The following FSTL1 variants were observed in gnomAD, a reference collection of about 807,000 sequenced individuals.
FSTL1 encodes the protein follistatin like 1.
Under a neutral mutation model 45.9 loss-of-function variants are expected in FSTL1, and 24 were observed. The ratio of observed to expected loss-of-function variants is 0.52; its 90% CI spans 0.38 to 0.74. The LOEUF is 0.74. Ranked by LOEUF, FSTL1 falls within the 30% of genes least tolerant of loss-of-function variation. FSTL1 has a pLI of 0.00. For synonymous variants in FSTL1, 120 were observed against 137.6 expected, an observed-to-expected ratio of 0.87 and a Z score of 0.89; for missense variants, 340 against 381.8, an observed-to-expected ratio of 0.89 and a Z score of 0.91.
chr3:120,431,904 C>T (rs1396596248), intron 2 of FSTL1, among the ~76,000 whole-genome samples: 1 of 152,166 alleles, frequency 6.6e-6, no homozygotes, highest in Admixed American at 6.5e-5. Flanking sequence ...AGGCAGGCGT[C>T]ATGGGCACTT....
Position 120,392,781 on chromosome 3 carries a change from G to C in FSTL1, c.*4171C>G, listed in dbSNP as rs922715989. 1 of 152,168 alleles carries C rather than the reference G, an allele frequency of 6.6e-6. No homozygotes were observed. The highest frequency in any genetic ancestry group is 2.4e-5 in the African/African-American group (1 of 41,418). The allele number at this position is 152,168 out of a possible 1,614,324, so 9.4% of individuals were successfully genotyped here. ...CTAGGATTATTCCAGGGCTCTGAAG[G>C]CATCTGCTTAGATCTATCTATGCAT... On this transcript the variant is annotated 3_prime_UTR_variant, in exon 11 of 11. Coordinates refer to ENST00000295633, the MANE Select transcript of FSTL1 (RefSeq NM_007085.5).
chr3:120,447,257 G>A (rs1277576090), intron 2 of FSTL1, among the ~76,000 whole-genome samples: 1 of 152,214 alleles, frequency 6.6e-6, no homozygotes, highest in Admixed American at 6.5e-5. Context: ...CCCAATGGGA[G>A]GGGGATGGGA....
intron 2 of FSTL1, among the ~76,000 whole-genome samples, chr3:120,447,736 C>A (rs1171862036): frequency 1.3e-5 from 2 of 152,216 alleles, no homozygotes; most frequent in Admixed American, 6.5e-5. Context: ...GCAGCCTCAA[C>A]CTCCTGGGTT....
At chr3:120,432,680 T>C (rs990219530) in intron 2 of FSTL1, among the ~76,000 whole-genome samples, 1 of 152,258 alleles carries the variant, frequency 6.6e-6, no homozygotes, top group Non-Finnish European at 1.5e-5. Context: ...TCCTTCATTT[T>C]AACTGTGTAA....
In FSTL1 at chr3:120,394,128, G is replaced by C. The variant is rs1490907754; in HGVS notation, c.*2824C>G. The C allele has an allele frequency of 6.6e-6, 1 of 152,182 alleles. No individual in the cohort carries two copies. The highest frequency in any genetic ancestry group is 1.5e-5 in the Non-Finnish European group (1 of 68,042). The allele number at this position is 152,182 out of a possible 1,614,324, so 9.4% of individuals were successfully genotyped here. A position where few individuals can be genotyped will look rare whatever the true frequency, so the allele number is the denominator to read the frequency against. ...AGAAACTTGTTCTACCAGTCCCCGA[G>C]TAAACTTTCCATCCAAGCTGTAGTC... is the stretch of plus-strand genomic sequence containing the variant. On this transcript the variant is annotated 3_prime_UTR_variant, in exon 11 of 11. Transcript: ENST00000295633.
At chr3:120,399,833 G>A (rs553209646) in intron 10 of FSTL1, 50 bp downstream of exon 10, 5 of 1,240,282 alleles carry the variant, frequency 4.0e-6, no homozygotes, top group East Asian at 2.4e-5. Flanking sequence ...AATGGTATAG[G>A]GCCTGATGGC....
chr3:120,431,398 C>T (rs1937475785), intron 2 of FSTL1, among the ~76,000 whole-genome samples: 1 of 152,092 alleles, frequency 6.6e-6, no homozygotes, highest in African/African-American at 2.4e-5. Context: ...ATATTTTAGA[C>T]TTTTTTCATA....
At chr3:120,415,028 C>A (rs1175693054) in intron 3 of FSTL1, among the ~76,000 whole-genome samples, 2 of 150,430 alleles carry the variant, frequency 1.3e-5, no homozygotes, top group Non-Finnish European at 3.0e-5. Flanking sequence ...GAAAAAAAAT[C>A]TTTAGCTCTA....
intron 2 of FSTL1, among the ~76,000 whole-genome samples, chr3:120,436,013 C>T (rs1473572821): frequency 2.6e-5 from 4 of 151,588 alleles, no homozygotes; most frequent in African/African-American, 9.7e-5. Flanking sequence ...CATCCTCAAG[C>T]GCTGGTTGTT....
rs532535837 is a variant in FSTL1 at position 120,394,234 on chromosome 3, G to A, written c.*2718C>T. 3 of 152,262 alleles carry A rather than the reference G, an allele frequency of 2.0e-5. No individual in the cohort carries two copies. The highest frequency in any genetic ancestry group is 3.9e-4 in the East Asian group (2 of 5,176). 9.4% of individuals were successfully genotyped at this position (152,262 alleles called of 1,614,324 possible). A position where few individuals can be genotyped will look rare whatever the true frequency, so the allele number is the denominator to read the frequency against. ...GGAAGTAAATGGGTAATGTTCTCAC[G>A]ACTTTATTTGGCCTTAATTGGGGGA... On this transcript the variant is annotated 3_prime_UTR_variant, in exon 11 of 11. Coordinates refer to ENST00000295633, the MANE Select transcript of FSTL1 (RefSeq NM_007085.5).
intron 9 of FSTL1, among the ~76,000 whole-genome samples, chr3:120,401,435 C>T (rs1346048304): frequency 6.6e-6 from 1 of 152,178 alleles, no homozygotes; most frequent in Non-Finnish European, 1.5e-5. Context: ...GCCATTTATA[C>T]TGTTGCTGTT....
intron 2 of FSTL1, among the ~76,000 whole-genome samples, chr3:120,424,339 A>G (rs1937337891): frequency 6.6e-6 from 1 of 152,132 alleles, no homozygotes; most frequent in South Asian, 2.1e-4. Flanking sequence ...GGAGCAGAGG[A>G]TGTGGCTGCC....
chr3:120,410,992 A>G lies in FSTL1; in HGVS notation c.299-8T>C. ...GACTTACGGATTTCTTCTCTGCAAG[A>G]CAAAAAGAGAAAACGTGTAATGCGA... On this transcript the variant is annotated splice_polypyrimidine_tract_variant and splice_region_variant and intron_variant, in intron 4 of 10. Transcript: ENST00000295633. 6.2e-7 allele frequency: 1 copy of G among 1,601,360 alleles called. No homozygotes were observed. Among genetic ancestry groups the G allele is most frequent in the Non-Finnish European group, 8.5e-7 (1 of 1,172,728 alleles).
chr3:120,415,753 C>A, intron 3 of FSTL1, 170 bp downstream of exon 3: 6 of 491,324 alleles, frequency 1.2e-5, no homozygotes, highest in South Asian at 4.1e-5. Context: ...AAAAAATATC[C>A]ATGCTTTAAA....
Position 120,395,369 on chromosome 3 carries a change from T to C in FSTL1, c.*1583A>G, listed in dbSNP as rs1936675457. The C allele has an allele frequency of 9.4e-6, 3 of 317,896 alleles. No individual in the cohort carries two copies. The highest frequency in any genetic ancestry group is 4.4e-5 in the African/African-American group (2 of 45,086). The allele number at this position is 317,896 out of a possible 1,614,324, so 19.7% of individuals were successfully genotyped here. ...AAGTCGAAAGACACAGGACTAACTG[T>C]AAATGACTGACCTCCCCAAGTCACA... On this transcript the variant is annotated 3_prime_UTR_variant, in exon 11 of 11. Transcript: ENST00000295633.
rs1402977307 is a variant in FSTL1 at position 120,403,934 on chromosome 3, A to C, written c.582-580T>G. On this transcript the variant is annotated intron_variant, in intron 7 of 10. Transcript: ENST00000295633. ...AGACTCCGTCTCAAAAAAAAAAAAA[A>C]AAAAAAAAAACAAAAACAAAACAAA... Among the ~76,000 whole-genome samples, 25 of 129,570 alleles carry C rather than the reference A, an allele frequency of 1.9e-4. 1 individual carries two copies. Among genetic ancestry groups the C allele is most frequent in the South Asian group, 7.4e-4 (3 of 4,078 alleles). 85.0% of individuals were successfully genotyped at this position (129,570 alleles called of 152,430 possible). A position where few individuals can be genotyped will look rare whatever the true frequency, so the allele number is the denominator to read the frequency against.
chr3:120,446,816 G>C (rs918406276), intron 2 of FSTL1, among the ~76,000 whole-genome samples: 1 of 152,164 alleles, frequency 6.6e-6, no homozygotes, highest in African/African-American at 2.4e-5. Flanking sequence ...TAATCTTCTA[G>C]TATTGCATGT....
chr3:120,410,662 T>C (rs1937033545), intron 5 of FSTL1: 1 of 538,308 alleles, frequency 1.9e-6, no homozygotes, highest in African/African-American at 1.9e-5. Flanking sequence ...TATAGGATGT[T>C]GAAAAATGAA....
chr3:120,416,110 G>T, intron 2 of FSTL1, 83 bp from the exon 3 acceptor site: 1 of 1,054,156 alleles, frequency 9.5e-7, no homozygotes, highest in Non-Finnish European at 1.5e-6. Context: ...TATCTTTCAG[G>T]CTTGGGCTTT....
Sources: gnomAD v4.1 joint callset for allele counts (sites outside exome capture counted in the v4.1 genomes callset) on GRCh38, gnomAD v4.1.1 for gene constraint, MANE v1.5 for transcripts, NCBI Gene and HGNC (gene_info 2026-07-23, HGNC 2026-07-21) for gene names.